Variants in C3orf70 observed in about 807,000 individuals in gnomAD.
C3orf70 encodes chromosome 3 open reading frame 70, also known as UPF0524 protein C3orf70.
Under a neutral mutation model 20.7 loss-of-function variants are expected in C3orf70, and 15 were observed. The observed-to-expected ratio is 0.72, with a 90% CI of 0.48 to 1.11. The LOEUF is 1.11. Ranked by LOEUF, C3orf70 falls within the 50% of genes most tolerant of loss-of-function variation. The pLI, the probability that C3orf70 is intolerant of heterozygous loss-of-function variation, is 0.00. For synonymous variants in C3orf70, 161 were observed against 125.7 expected, an observed-to-expected ratio of 1.28 and a Z score of -1.88; for missense variants, 332 against 317.6, an observed-to-expected ratio of 1.05 and a Z score of -0.34.
intron 1 of C3orf70, among the ~76,000 whole-genome samples, chr3:185,141,915 T>C (rs911299460): frequency 6.6e-6 from 1 of 151,830 alleles, no homozygotes; most frequent in Non-Finnish European, 1.5e-5. Context: ...ACCCAGATAA[T>C]GGTTTCCATA....
chr3:185,098,807 C>T (rs561698978), intron 1 of C3orf70, among the ~76,000 whole-genome samples: 33 of 152,252 alleles, frequency 2.2e-4, no homozygotes, highest in African/African-American at 7.0e-4. Context: ...GGGTGGGCCC[C>T]ATCCAAACAG....
intron 1 of C3orf70, among the ~76,000 whole-genome samples, chr3:185,119,262 C>T (rs1244957540): frequency 3.3e-5 from 5 of 152,152 alleles, no homozygotes; most frequent in African/African-American, 9.7e-5. Context: ...ATAAAGGGTA[C>T]AAACTTGCAG....
At position 185,145,699 on chromosome 3, in the gene C3orf70, C is replaced by T. The variant is rs77174740; in HGVS notation, c.196+6929G>A. Among the ~76,000 whole-genome samples the T allele has an allele frequency of 6.2e-3, 942 of 152,310 alleles. 11 individuals are homozygous for T. The highest frequency in any genetic ancestry group is 0.021 in the African/African-American group (888 of 41,566). ...GATTTTGATATACATTTGCCACAGGCAGCTAGGGGTACTACGCGTGACCTT... is the reference window on the plus strand; with the variant it reads ...GATTTTGATATACATTTGCCACAGGTAGCTAGGGGTACTACGCGTGACCTT... On this transcript the variant is annotated intron_variant, in intron 1 of 1. Transcript: ENST00000335012.
intron 1 of C3orf70, among the ~76,000 whole-genome samples, chr3:185,123,274 A>T (rs984886440): frequency 1.0e-5 from 1 of 97,460 alleles, no homozygotes; most frequent in Non-Finnish European, 2.6e-5. Flanking sequence ...CTTAACAAAT[A>T]AAAAAAGTCC....
intron 1 of C3orf70, among the ~76,000 whole-genome samples, chr3:185,091,130 G>A (rs1374838681): frequency 6.6e-6 from 1 of 152,074 alleles, no homozygotes; most frequent in Non-Finnish European, 1.5e-5. Context: ...GATAGATACA[G>A]AAGATAAGTA....
chr3:185,133,702 C>T (rs974650898), intron 1 of C3orf70, among the ~76,000 whole-genome samples: 2 of 152,208 alleles, frequency 1.3e-5, no homozygotes, highest in African/African-American at 2.4e-5. Flanking sequence ...CCAGATCACA[C>T]TACTGCACTG....
In C3orf70 at chr3:185,077,972, C is replaced by G. The variant is rs1236066549; in HGVS notation, c.*5035G>C. 2 of 152,142 alleles carry G rather than the reference C, an allele frequency of 1.3e-5. No individual in the cohort carries two copies. The highest frequency in any genetic ancestry group is 4.8e-5 in the African/African-American group (2 of 41,330). The allele number at this position is 152,142 out of a possible 1,614,324, so 9.4% of individuals were successfully genotyped here. The stretch of plus-strand genomic sequence containing the variant: ...CTATTTCCTAGCACGTAGGAAAGAC[C>G]TGATATATAAATGTTTCACACTTTG... On this transcript the variant is annotated 3_prime_UTR_variant, in exon 2 of 2. Coordinates refer to ENST00000335012, the MANE Select transcript of C3orf70 (RefSeq NM_001025266.3).
intron 1 of C3orf70, among the ~76,000 whole-genome samples, chr3:185,099,784 C>T (rs1715784401): frequency 6.6e-6 from 1 of 152,132 alleles, no homozygotes; most frequent in Non-Finnish European, 1.5e-5. Flanking sequence ...GGATAAGAAC[C>T]AAGACCCATT....
intron 1 of C3orf70, among the ~76,000 whole-genome samples, chr3:185,118,645 T>C (rs1221443574): frequency 1.3e-5 from 2 of 152,124 alleles, no homozygotes; most frequent in Non-Finnish European, 2.9e-5. Flanking sequence ...ACACTAAAAT[T>C]TTTTCAGAAA....
chr3:185,094,949 GTC>G (rs1157856895), intron 1 of C3orf70, among the ~76,000 whole-genome samples: 2 of 152,172 alleles, frequency 1.3e-5, no homozygotes, highest in African/African-American at 2.4e-5. Flanking sequence ...TGTATTAAGT[GTC>G]TGCACTCTGC....
intron 1 of C3orf70, among the ~76,000 whole-genome samples, chr3:185,088,531 T>TTTTCAAAATGTATAATCTAAAACAA (rs1210469484): frequency 1.3e-5 from 2 of 152,194 alleles, no homozygotes; most frequent in African/African-American, 4.8e-5. Context: ...TCTATGATTT[T>TTTTCAAAATGTATAATCTAAAACAA]TTTTCAAAAT....
chr3:185,087,535 C>A (rs1036653905), intron 1 of C3orf70, among the ~76,000 whole-genome samples: 1 of 152,198 alleles, frequency 6.6e-6, no homozygotes, highest in Non-Finnish European at 1.5e-5. Flanking sequence ...CTTGAGGACA[C>A]TATGCTAAGG....
At chr3:185,102,267 T>C (rs1019354768) in intron 1 of C3orf70, among the ~76,000 whole-genome samples, 2 of 152,118 alleles carry the variant, frequency 1.3e-5, no homozygotes, top group East Asian at 1.9e-4. Context: ...CATTCCTATA[T>C]ACCAAAAACA....
rs71162282 is a variant in C3orf70 at position 185,094,074 on chromosome 3, G to GTTTTT, written c.197-10516_197-10512dup. Among the ~76,000 whole-genome samples the GTTTTT allele has an allele frequency of 1.8e-3, 144 of 80,648 alleles. 4 individuals are homozygous for GTTTTT. The highest frequency in any genetic ancestry group is 0.011 in the Middle Eastern group (1 of 94). 52.9% of individuals were successfully genotyped at this position (80,648 alleles called of 152,430 possible). A position where few individuals can be genotyped will look rare whatever the true frequency, so the allele number is the denominator to read the frequency against. Reference sequence around the variant, plus strand: ...GGTTTGTAATGAGTTATACCCTGGGGTTTTTTTTTTTTTTTTTTTTTTTGA... The same window carrying GTTTTT: ...GGTTTGTAATGAGTTATACCCTGGGGTTTTTTTTTTTTTTTTTTTTTTTTTTTTGA... On this transcript the variant is annotated intron_variant, in intron 1 of 1. Coordinates refer to ENST00000335012, the MANE Select transcript of C3orf70 (RefSeq NM_001025266.3).
chr3:185,100,223 C>T (rs1715794416), intron 1 of C3orf70, among the ~76,000 whole-genome samples: 1 of 152,192 alleles, frequency 6.6e-6, no homozygotes, highest in Non-Finnish European at 1.5e-5. Flanking sequence ...CATTACCTCT[C>T]CACCCCAAAA....
chr3:185,087,050 T>C (rs768521663), intron 1 of C3orf70, among the ~76,000 whole-genome samples: 103 of 151,554 alleles, frequency 6.8e-4, no homozygotes, highest in Non-Finnish European at 1.4e-3. Flanking sequence ...AGATCCTGAA[T>C]TATCAGATTC....
At chr3:185,127,354 GTCTAATT>G (rs1240260718) in intron 1 of C3orf70, among the ~76,000 whole-genome samples, 1 of 152,112 alleles carries the variant, frequency 6.6e-6, no homozygotes, top group Non-Finnish European at 1.5e-5. Context: ...TTAAGAAAAA[GTCTAATT>G]TCTAACTCCC....
chr3:185,109,533 C>T (rs1716018715), intron 1 of C3orf70, among the ~76,000 whole-genome samples: 1 of 152,160 alleles, frequency 6.6e-6, no homozygotes, highest in South Asian at 2.1e-4. Flanking sequence ...AGCCACTCAT[C>T]TGGGGACAGA....
At chr3:185,108,241 G>T (rs1397092795) in intron 1 of C3orf70, among the ~76,000 whole-genome samples, 2 of 152,144 alleles carry the variant, frequency 1.3e-5, no homozygotes, top group South Asian at 2.1e-4. Flanking sequence ...TTACAGATAG[G>T]TCTAGCAATG....
Sources: allele counts gnomAD v4.1 joint callset (sites outside exome capture counted in the v4.1 genomes callset), GRCh38; gene constraint gnomAD v4.1.1; transcripts MANE v1.5; gene names NCBI Gene and HGNC (gene_info 2026-07-23, HGNC 2026-07-21).